Variants in SNX30 observed in about 807,000 individuals in gnomAD.
SNX30 encodes sorting nexin family member 30.
In SNX30, 24 loss-of-function variants were observed where a neutral mutation model predicts 46.4. The observed-to-expected ratio is 0.52, with a 90% CI of 0.37 to 0.73. SNX30 has a LOEUF of 0.73. SNX30 is among the 30% of genes least tolerant of loss of function. SNX30 has a pLI of 0.00. For missense variants in SNX30, 533 were observed against 555.7 expected, an observed-to-expected ratio of 0.96 and a Z score of 0.41; for synonymous variants, 189 against 211.5, an observed-to-expected ratio of 0.89 and a Z score of 0.92.
At chr9:112,849,488 C>G (rs1271763341) in intron 6 of SNX30, among the ~76,000 whole-genome samples, 1 of 152,198 alleles carries the variant, frequency 6.6e-6, no homozygotes, top group East Asian at 1.9e-4. Flanking sequence ...TTCCATTGAA[C>G]AGCACTGTAA....
downstream of SNX30, chr9:112,878,430 T>G (rs1004181981): frequency 6.6e-6 from 1 of 152,248 alleles, no homozygotes. Context: ...TACTTACCCT[T>G]CCAGCCTTGT....
In SNX30 at chr9:112,804,798, G is replaced by A; in HGVS notation, c.179G>A (p.Gly60Asp). The A allele has an allele frequency of 6.2e-7, 1 of 1,610,716 alleles. No homozygotes were observed. Among genetic ancestry groups the A allele is most frequent in the African/African-American group, 1.3e-5 (1 of 74,892 alleles). Residue 60 changes from glycine (G) to aspartate (D), a missense_variant, in exon 2 of 9, where the codon GGT (glycine) becomes GAT (aspartate). Physicochemically the swap from Gly to Asp is moderately conservative, Grantham distance 94 (BLOSUM62 -1). Coordinates refer to ENST00000374232, the MANE Select transcript of SNX30 (RefSeq NM_001012994.2). Reference protein sequence around the residue: ...GDKDLILPNGGTPAGTSSPAS... With the variant: ...GDKDLILPNGDTPAGTSSPAS... ...TAGGATCTCATTTTGCCCAACGGTGGTACTCCAGCAGGTACTTCAAGTCCA... is the reference window on the plus strand; with the variant it reads ...TAGGATCTCATTTTGCCCAACGGTGATACTCCAGCAGGTACTTCAAGTCCA...
chr9:112,756,406 G>GTTTCT (rs894153151), intron 1 of SNX30, among the ~76,000 whole-genome samples: 1 of 124,746 alleles, frequency 8.0e-6, no homozygotes, highest in Non-Finnish European at 1.7e-5. Context: ...AAAATTACCA[G>GTTTCT]TTTCTTGACC....
chr9:112,837,943 T>C (rs1456303091), intron 5 of SNX30, among the ~76,000 whole-genome samples: 1 of 136,282 alleles, frequency 7.3e-6, no homozygotes, highest in East Asian at 2.3e-4. Context: ...CAGGCTAGAG[T>C]GCAGTGGAGT....
intron 3 of SNX30, among the ~76,000 whole-genome samples, chr9:112,822,520 G>A (rs1172049013): frequency 7.7e-6 from 1 of 130,022 alleles, no homozygotes; most frequent in Non-Finnish European, 1.6e-5. Context: ...GTTTTCTTTT[G>A]TCCCTTTGCT....
chr9:112,883,869 T>A (rs1841613463), downstream of SNX30, among the ~76,000 whole-genome samples: 1 of 152,076 alleles, frequency 6.6e-6, no homozygotes. Context: ...GGCTAATTTT[T>A]GTATTTTATT....
intron 3 of SNX30, among the ~76,000 whole-genome samples, chr9:112,829,676 T>C (rs1840631581): frequency 6.6e-6 from 1 of 152,252 alleles, no homozygotes; most frequent in Non-Finnish European, 1.5e-5. Flanking sequence ...ACCAAACTGT[T>C]TTCCACAGTG....
At position 112,780,355 on chromosome 9, in the gene SNX30, A is replaced by C. The variant is rs545874710; in HGVS notation, c.157-24421A>C. ...TTAACACTAGTGAACTGTATACTTA[A>C]AAATCGTTAAGATGGTAAGTTTTAT... On this transcript the variant is annotated intron_variant, in intron 1 of 8. Transcript: ENST00000374232. 3.3e-5 allele frequency among the ~76,000 whole-genome samples: 5 copies of C among 152,328 alleles called. No homozygotes were observed. The East Asian group carries it at 9.6e-4, about 29-fold the overall frequency.
rs145898477 is a variant in SNX30, at chr9:112,850,938, G to T, written c.1094G>T (p.Arg365Leu). 1.9e-6 allele frequency: 3 copies of T among 1,613,864 alleles called. 1 individual carries two copies. Among genetic ancestry groups the T allele is most frequent in the Non-Finnish European group, 2.5e-6 (3 of 1,179,908 alleles). The change falls in exon 7 of 9, where the codon CGC becomes CTC. Residue 365 changes from arginine (R) to leucine (L), a missense_variant. Arg to Leu is a moderately radical substitution (Grantham distance 102). Coordinates refer to ENST00000374232, the MANE Select transcript of SNX30 (RefSeq NM_001012994.2). ...GCTGTGGCTCTGCGGAAGGAAGACCGCCCCAAGGTCAGGGAAGCCACCTGG... is the reference window on the plus strand; with the variant it reads ...GCTGTGGCTCTGCGGAAGGAAGACCTCCCCAAGGTCAGGGAAGCCACCTGG... Reference protein sequence around the residue: ...LEAVALRKEDRPKVPADVEKC... With the variant: ...LEAVALRKEDLPKVPADVEKC...
At chr9:112,876,340 C>T (rs555361089), downstream of SNX30, among the ~76,000 whole-genome samples, 5 of 151,168 alleles carry the variant, frequency 3.3e-5, no homozygotes, top group East Asian at 4.0e-4. Context: ...GGAGGCTGGG[C>T]GTGGTGGCTC....
At chr9:112,790,719 T>C (rs16917348) in intron 1 of SNX30, among the ~76,000 whole-genome samples, 1,699 of 152,340 alleles carry the variant, frequency 0.011, 27 homozygotes, top group African/African-American at 0.038. Context: ...ATCTACCATA[T>C]AGTCTTTGTC....
At chr9:112,840,539 G>A (rs892255958) in intron 6 of SNX30, among the ~76,000 whole-genome samples, 7 of 152,192 alleles carry the variant, frequency 4.6e-5, no homozygotes, top group African/African-American at 1.7e-4. Flanking sequence ...AGGCTGGAGT[G>A]CAGTGGCACA....
intron 4 of SNX30, among the ~76,000 whole-genome samples, chr9:112,834,359 A>G (rs1840715112): frequency 6.6e-6 from 1 of 152,192 alleles, no homozygotes; most frequent in Non-Finnish European, 1.5e-5. Flanking sequence ...GCCAGCTTCA[A>G]GTTGGGCTTC....
At chr9:112,822,543 T>TTG (rs1316111187) in intron 3 of SNX30, among the ~76,000 whole-genome samples, 3 of 149,468 alleles carry the variant, frequency 2.0e-5, no homozygotes, top group Non-Finnish European at 4.5e-5. Flanking sequence ...TTTGTTTTGT[T>TTG]TTTTTTTTTT....
At chr9:112,793,797 G>GTTTTTTTTTTTTTTTTTTTTTTTTT in intron 1 of SNX30, among the ~76,000 whole-genome samples, 1 of 137,112 alleles carries the variant, frequency 7.3e-6, no homozygotes, top group Non-Finnish European at 1.6e-5. Flanking sequence ...TACCTCCACT[G>GTTTTTTTTTTTTTTTTTTTTTTTTT]TTTTTTGTTT....
At chr9:112,835,472 A>AT (rs34706176) in intron 4 of SNX30, among the ~76,000 whole-genome samples, 8,254 of 141,772 alleles carry the variant, frequency 0.058, 768 homozygotes, top group African/African-American at 0.19. Flanking sequence ...TGCCCAACTA[A>AT]TTTTTTTTTT....
At position 112,872,301 on chromosome 9, in the gene SNX30, A is replaced by G. The variant is rs1427042907; in HGVS notation, c.*3458A>G. ...GACCATGTGGCAGTCTGCAAGTGGA[A>G]TTTTGGGATGGCAGCCCGAGGAACA... On this transcript the variant is annotated 3_prime_UTR_variant, in exon 9 of 9. Transcript: ENST00000374232. 1 of 152,242 alleles carries G rather than the reference A, an allele frequency of 6.6e-6. No homozygotes were observed. Among genetic ancestry groups the G allele is most frequent in the Non-Finnish European group, 1.5e-5 (1 of 68,062 alleles). 9.4% of individuals were successfully genotyped at this position (152,242 alleles called of 1,614,324 possible).
chr9:112,848,879 C>A (rs572357662), intron 6 of SNX30, among the ~76,000 whole-genome samples: 3 of 152,308 alleles, frequency 2.0e-5, no homozygotes, highest in African/African-American at 7.2e-5. Context: ...CTCCTCCCCA[C>A]CCCTCGTAGT....
intron 1 of SNX30, among the ~76,000 whole-genome samples, chr9:112,757,144 C>T (rs1327856268): frequency 6.6e-6 from 1 of 152,198 alleles, no homozygotes; most frequent in African/African-American, 2.4e-5. Context: ...TACATCTTCC[C>T]ATTTCCTCTC....
Sources: allele counts gnomAD v4.1 joint callset (sites outside exome capture counted in the v4.1 genomes callset), GRCh38; gene constraint gnomAD v4.1.1; transcripts MANE v1.5; gene names NCBI Gene and HGNC (gene_info 2026-07-23, HGNC 2026-07-21).